Variants in ADAMTSL1 observed in about 807,000 individuals in gnomAD.
ADAMTSL1 encodes the protein ADAMTS like 1, also known as ADAMTS-like protein 1.
Under a neutral mutation model 201.8 loss-of-function variants are expected in ADAMTSL1, and 126 were observed. That is an observed-to-expected ratio of 0.62 (90% CI 0.54 to 0.72). ADAMTSL1 has a LOEUF of 0.72. Ranked by LOEUF, ADAMTSL1 falls within the 30% of genes least tolerant of loss-of-function variation. The pLI is 0.00. For synonymous variants in ADAMTSL1, 1,121 were observed against 903.4 expected (o/e 1.24, Z -4.32); for missense variants, 2,679 against 2,277.8 (o/e 1.18, Z -3.59).
intron 2 of ADAMTSL1, among the ~76,000 whole-genome samples, chr9:18,463,563 C>T (rs904863122): frequency 2.0e-5 from 3 of 152,118 alleles, no homozygotes; most frequent in Non-Finnish European, 2.9e-5. Context: ...TTCCCTCAGG[C>T]TCCTAGCAAT....
rs566139739 is a variant in ADAMTSL1, at chr9:18,331,083, G to GAA, written c.207+167106_207+167107dup. Among the ~76,000 whole-genome samples the GAA allele has an allele frequency of 3.5e-4, 53 of 152,238 alleles. 1 individual carries two copies. The South Asian group carries it at 0.011, about 32-fold the overall frequency. On this transcript the variant is annotated intron_variant, in intron 2 of 29. Coordinates refer to the ADAMTSL1 transcript ENST00000680146. Reference sequence around the variant, plus strand: ...AGGGTGCTCACAAACAGAGGAAGGAGAAAAAGTGGATCCAGGATAAAGTAA... The same window carrying GAA: ...AGGGTGCTCACAAACAGAGGAAGGAGAAAAAAAGTGGATCCAGGATAAAGTAA...
At chr9:18,216,349 G>A (rs928396982) in intron 2 of ADAMTSL1, among the ~76,000 whole-genome samples, 2 of 152,180 alleles carry the variant, frequency 1.3e-5, no homozygotes, top group African/African-American at 4.8e-5. Context: ...GCAATTTTCA[G>A]GTAAGGCTGG....
In ADAMTSL1 at chr9:18,777,539, C is replaced by T. The variant is rs1430979430; in HGVS notation, c.3310C>T (p.Leu1104=). 3 of 1,602,806 alleles carry T rather than the reference C, an allele frequency of 1.9e-6. No homozygotes were observed. Among genetic ancestry groups the T allele is most frequent in the Non-Finnish European group, 2.6e-6 (3 of 1,175,142 alleles). The change falls in exon 19 of 29, where the codon CTG becomes TTG. Residue 1104 remains leucine (L), a synonymous_variant. Transcript: ENST00000380548. ...CTACAGCAAGCACCTGGTGGCCCAG[C>T]TGGCCCAGGAGATCTTCCGCAGCCA... ...DLYSKHLVAQ[L]AQEIFRSHLE...
At chr9:17,961,145 G>A (rs978056861) in intron 1 of ADAMTSL1, among the ~76,000 whole-genome samples, 4 of 151,980 alleles carry the variant, frequency 2.6e-5, no homozygotes, top group African/African-American at 9.7e-5. Context: ...TATATACTTG[G>A]GCTCTACCAA....
At chr9:18,098,392 TA>T (rs1194315674) in intron 1 of ADAMTSL1, among the ~76,000 whole-genome samples, 3 of 152,322 alleles carry the variant, frequency 2.0e-5, no homozygotes, top group African/African-American at 7.2e-5. Flanking sequence ...TATATCTTTT[TA>T]AAAATGTAGA....
chr9:18,380,838 C>T (rs1441685255), intron 2 of ADAMTSL1, among the ~76,000 whole-genome samples: 6 of 152,226 alleles, frequency 3.9e-5, no homozygotes, highest in African/African-American at 1.4e-4. Flanking sequence ...CAGGTGAACG[C>T]ATGCCCCAAA....
chr9:18,505,898 C>T (rs960363951), intron 2 of ADAMTSL1, among the ~76,000 whole-genome samples: 5 of 152,120 alleles, frequency 3.3e-5, no homozygotes, highest in Admixed American at 2.0e-4. Flanking sequence ...TTGAAATCAG[C>T]GTCTGAGCCT....
At chr9:18,655,620 CA>C (rs1001079732) in intron 7 of ADAMTSL1, among the ~76,000 whole-genome samples, 15 of 151,452 alleles carry the variant, frequency 9.9e-5, no homozygotes, top group Admixed American at 9.2e-4. Flanking sequence ...AGAACATCTG[CA>C]AAAACAAACA....
At position 18,364,627 on chromosome 9, in the gene ADAMTSL1, C is replaced by G. The variant is rs531295762; in HGVS notation, c.208-140202C>G. Among the ~76,000 whole-genome samples the G allele has an allele frequency of 4.1e-5, 6 of 146,192 alleles. No homozygotes were observed. In the East Asian group the frequency reaches 8.2e-4, roughly 20 times the overall value. On this transcript the variant is annotated intron_variant, in intron 2 of 29. Transcript: ENST00000680146. ...GAATTACCAGATACAGAATAACATG[C>G]CTGTATTAGGTCATTCTTGTACTGC...
chr9:18,807,939 A>T (rs1327072266), intron 20 of ADAMTSL1, among the ~76,000 whole-genome samples: 1 of 152,224 alleles, frequency 6.6e-6, no homozygotes, highest in Admixed American at 6.5e-5. Context: ...CCACAAACAT[A>T]GGTACTGGCA....
intron 2 of ADAMTSL1, among the ~76,000 whole-genome samples, chr9:18,275,296 G>T (rs1413738629): frequency 1.3e-5 from 2 of 152,110 alleles, no homozygotes; most frequent in South Asian, 2.1e-4. Context: ...AATAAAAACT[G>T]TTCTTCACAG....
chr9:18,235,105 G>C (rs1830792277), intron 2 of ADAMTSL1, among the ~76,000 whole-genome samples: 1 of 151,484 alleles, frequency 6.6e-6, no homozygotes, highest in African/African-American at 2.4e-5. Flanking sequence ...TTTTTTTTCT[G>C]GTCTGGAATC....
rs2132870294 is a variant in ADAMTSL1, at chr9:18,646,939, G to T, written c.834+7528G>T. Among the ~76,000 whole-genome samples the T allele has an allele frequency of 2.0e-5, 3 of 152,152 alleles. No individual in the cohort carries two copies. In the East Asian group the frequency reaches 5.8e-4, roughly 29 times the overall value. On this transcript the variant is annotated intron_variant, in intron 7 of 28. Transcript: ENST00000380548. ...AGGGAGGATTCCCTCTTTTTCTATT[G>T]ATTGGAATAGTTTCAGAAGGAATGG...
intron 1 of ADAMTSL1, among the ~76,000 whole-genome samples, chr9:17,940,864 G>T (rs962817232): frequency 1.5e-5 from 2 of 129,404 alleles, no homozygotes; most frequent in African/African-American, 6.0e-5. Context: ...CCCATGGCCC[G>T]AAGAGTGGTA....
intron 1 of ADAMTSL1, among the ~76,000 whole-genome samples, chr9:18,494,704 T>A (rs1471911036): frequency 6.6e-6 from 1 of 152,208 alleles, no homozygotes; most frequent in Non-Finnish European, 1.5e-5. Context: ...TTACCCTATA[T>A]CCAATGGCTC....
chr9:18,560,952 A>C (rs1050337991), intron 3 of ADAMTSL1, among the ~76,000 whole-genome samples: 4 of 146,414 alleles, frequency 2.7e-5, no homozygotes, highest in African/African-American at 1.0e-4. Flanking sequence ...AAAAAAAAAA[A>C]CAGCTCCTGG....
chr9:17,989,259 G>A (rs1819052939), intron 1 of ADAMTSL1, among the ~76,000 whole-genome samples: 1 of 151,344 alleles, frequency 6.6e-6, no homozygotes, highest in Non-Finnish European at 1.5e-5. Flanking sequence ...TTATGTTTGT[G>A]TGTTCAGAAT....
At chr9:18,835,288 A>G (rs10738522) in intron 23 of ADAMTSL1, among the ~76,000 whole-genome samples, 62,385 of 151,874 alleles carry the variant, frequency 0.41, 13,268 homozygotes, top group Non-Finnish European at 0.47. Context: ...TGTCTGCTCA[A>G]TTTTTTGGAC....
intron 2 of ADAMTSL1, among the ~76,000 whole-genome samples, chr9:18,293,836 A>G (rs559259112): frequency 1.4e-4 from 22 of 152,344 alleles, no homozygotes; most frequent in African/African-American, 4.1e-4. Flanking sequence ...ATACAACTGA[A>G]GGATTTGCAA....
Sources: gnomAD v4.1 joint callset for allele counts (sites outside exome capture counted in the v4.1 genomes callset) on GRCh38, gnomAD v4.1.1 for gene constraint, MANE v1.5 for transcripts, NCBI Gene and HGNC (gene_info 2026-07-23, HGNC 2026-07-21) for gene names.